The following PDE7B variants were observed in gnomAD, a reference collection of about 807,000 sequenced individuals.
The protein encoded by PDE7B is phosphodiesterase 7B.
In PDE7B, 29 loss-of-function variants were observed where a neutral mutation model predicts 56.2. That is an observed-to-expected ratio of 0.52 (90% CI 0.38 to 0.70). The LOEUF (loss-of-function observed/expected upper bound fraction) is 0.70. Among genes scored for constraint, PDE7B ranks in the 30% least tolerant of loss-of-function variants. The pLI is 0.00. For synonymous variants in PDE7B, 197 were observed against 196.9 expected (o/e 1.00, Z 0.00); for missense variants, 490 against 565.0 (o/e 0.87, Z 1.35).
intron 3 of PDE7B, among the ~76,000 whole-genome samples, chr6:136,140,097 G>A (rs1778292746): frequency 6.6e-6 from 1 of 152,122 alleles, no homozygotes; most frequent in South Asian, 2.1e-4. Flanking sequence ...GGTTTTTATG[G>A]TTTTAGGTCT....
intron 2 of PDE7B, among the ~76,000 whole-genome samples, chr6:136,054,088 T>C (rs1041417094): frequency 3.9e-5 from 6 of 152,238 alleles, no homozygotes; most frequent in African/African-American, 1.2e-4. Context: ...TTTTGGCTTT[T>C]GTTGCCATTG....
intron 1 of PDE7B, among the ~76,000 whole-genome samples, chr6:135,891,366 A>T (rs1775807501): frequency 1.3e-5 from 2 of 152,234 alleles, no homozygotes; most frequent in Admixed American, 6.5e-5. Flanking sequence ...CATTAGGGCT[A>T]AAGGAAGAAT....
At chr6:136,087,532 C>T (rs553750012) in intron 2 of PDE7B, among the ~76,000 whole-genome samples, 51 of 152,210 alleles carry the variant, frequency 3.4e-4, no homozygotes, top group Middle Eastern at 3.4e-3. Context: ...TAAGTTAATA[C>T]CATAAAAATG....
intron 1 of PDE7B, among the ~76,000 whole-genome samples, chr6:135,860,432 T>TTTAAATGGATTTAAATTGA (rs1483428042): frequency 3.3e-5 from 5 of 152,060 alleles, no homozygotes; most frequent in Admixed American, 2.6e-4. Flanking sequence ...ATTATTTCAT[T>TTTAAATGGATTTAAATTGA]TTAAATGGAT....
intron 9 of PDE7B, among the ~76,000 whole-genome samples, chr6:136,175,736 C>T (rs1411723265): frequency 6.6e-6 from 1 of 152,058 alleles, no homozygotes. Context: ...ATTTGGAATT[C>T]AAATGGTTTC....
At chr6:135,853,235 T>C (rs1172393054) in intron 1 of PDE7B, among the ~76,000 whole-genome samples, 1 of 152,202 alleles carries the variant, frequency 6.6e-6, no homozygotes, top group Non-Finnish European at 1.5e-5. Flanking sequence ...AACTGGGTCA[T>C]GTTAGCAGTA....
rs118111312 is a variant in PDE7B at position 136,171,429 on chromosome 6, T to C, written c.712-2368T>C. ...CCTATCAAATCAGAACCATAATGAC[T>C]GCGACTCAGGAGTCTGAATGTGTCA... On this transcript the variant is annotated intron_variant, in intron 8 of 12. Transcript: ENST00000308191. Among the ~76,000 whole-genome samples the C allele has an allele frequency of 1.1e-3, 175 of 152,272 alleles. 2 individuals are homozygous for C. The East Asian group carries it at 0.031, about 27-fold the overall frequency.
intron 8 of PDE7B, among the ~76,000 whole-genome samples, chr6:136,168,202 A>G (rs991965717): frequency 6.6e-6 from 1 of 152,200 alleles, no homozygotes; most frequent in African/African-American, 2.4e-5. Context: ...CATGATATTT[A>G]TTTGGACTAT....
At chr6:136,010,585 T>C (rs1775875487) in intron 2 of PDE7B, among the ~76,000 whole-genome samples, 1 of 152,082 alleles carries the variant, frequency 6.6e-6, no homozygotes, top group South Asian at 2.1e-4. Flanking sequence ...TTTGCATTTT[T>C]AGTAGAAACA....
At chr6:135,907,703 T>C (rs1218382795) in intron 1 of PDE7B, among the ~76,000 whole-genome samples, 1 of 152,172 alleles carries the variant, frequency 6.6e-6, no homozygotes, top group African/African-American at 2.4e-5. Context: ...TACAAGGATA[T>C]AAAGTACAGA....
intron 8 of PDE7B, among the ~76,000 whole-genome samples, chr6:136,170,985 T>A (rs927950068): frequency 6.6e-6 from 1 of 152,170 alleles, no homozygotes; most frequent in African/African-American, 2.4e-5. Context: ...CAACTATCCT[T>A]TTATATGTTT....
At chr6:136,156,281 C>T (rs559375512) in intron 8 of PDE7B, among the ~76,000 whole-genome samples, 9 of 151,920 alleles carry the variant, frequency 5.9e-5, no homozygotes, top group African/African-American at 2.2e-4. Flanking sequence ...CCTGGAATTC[C>T]TGAGCTCAAA....
intron 2 of PDE7B, among the ~76,000 whole-genome samples, chr6:135,979,088 C>T (rs368309858): frequency 1.3e-5 from 2 of 151,652 alleles, no homozygotes; most frequent in African/African-American, 2.4e-5. Context: ...TAGTATGAAG[C>T]GTTGTTGAAT....
At chr6:135,947,600 C>A in intron 2 of PDE7B, 76 bp downstream of exon 2, 1 of 1,103,814 alleles carries the variant, frequency 9.1e-7, no homozygotes, top group Non-Finnish European at 1.4e-6. Context: ...GCCTTTTTGG[C>A]TGTCTCTCAT....
At chr6:136,003,761 T>C (rs1399656860) in intron 2 of PDE7B, among the ~76,000 whole-genome samples, 2 of 152,182 alleles carry the variant, frequency 1.3e-5, no homozygotes, top group African/African-American at 4.8e-5. Flanking sequence ...ACAGCCGAAT[T>C]CTACCAGAGG....
rs571046651 is a variant in PDE7B at position 135,987,028 on chromosome 6, T to C, written c.82+39504T>C. On this transcript the variant is annotated intron_variant, in intron 2 of 12. Transcript: ENST00000308191. ...TCCTGTCAACTTTCTAGCTTTCTGTTATTAAAGGAGGGTGTGTATAGACCT... is the reference window on the plus strand; with the variant it reads ...TCCTGTCAACTTTCTAGCTTTCTGTCATTAAAGGAGGGTGTGTATAGACCT... 3.9e-5 allele frequency among the ~76,000 whole-genome samples: 6 copies of C among 152,308 alleles called. No homozygotes were observed. The East Asian group carries it at 9.6e-4, about 24-fold the overall frequency.
intron 2 of PDE7B, among the ~76,000 whole-genome samples, chr6:136,071,542 A>T (rs1777049955): frequency 1.3e-5 from 2 of 152,260 alleles, no homozygotes; most frequent in Non-Finnish European, 2.9e-5. Flanking sequence ...GAAAGGCAAC[A>T]GAGAGATAGT....
At chr6:136,048,243 G>A (rs767163320) in intron 2 of PDE7B, among the ~76,000 whole-genome samples, 9 of 152,208 alleles carry the variant, frequency 5.9e-5, no homozygotes, top group Admixed American at 1.3e-4. Context: ...GAGATGATGG[G>A]CTGGGCGCGG....
At chr6:136,107,893 C>A (rs1426732081) in intron 2 of PDE7B, among the ~76,000 whole-genome samples, 1 of 152,088 alleles carries the variant, frequency 6.6e-6, no homozygotes, top group Non-Finnish European at 1.5e-5. Context: ...CTTTGGGAGG[C>A]CGAGGTGGGT....
Sources: gnomAD v4.1 joint callset for allele counts (sites outside exome capture counted in the v4.1 genomes callset) on GRCh38, gnomAD v4.1.1 for gene constraint, MANE v1.5 for transcripts, NCBI Gene and HGNC (gene_info 2026-07-23, HGNC 2026-07-21) for gene names.